KCNIP4: variants seen among roughly 807,000 people sequenced by gnomAD.
KCNIP4 encodes potassium voltage-gated channel interacting protein 4.
In KCNIP4, 12 loss-of-function variants were observed where a neutral mutation model predicts 34.0. The ratio of observed to expected loss-of-function variants is 0.35; its 90% CI spans 0.23 to 0.57. The LOEUF (loss-of-function observed/expected upper bound fraction) is 0.57. KCNIP4 is among the 20% of genes least tolerant of loss of function. The probability of loss-of-function intolerance (pLI) is 0.83; values close to 1 mark genes in which losing one functional copy is unlikely to be tolerated. For synonymous variants in KCNIP4, 124 were observed against 102.2 expected (o/e 1.21, Z -1.29); for missense variants, 238 against 311.7 (o/e 0.76, Z 1.78).
At chr4:21,728,036 C>G (rs1715321177) in intron 1 of KCNIP4, among the ~76,000 whole-genome samples, 1 of 152,102 alleles carries the variant, frequency 6.6e-6, no homozygotes, top group African/African-American at 2.4e-5. Context: ...CACTTTCTGT[C>G]TTCTGGACTC....
chr4:21,585,051 AC>A (rs1405327094), intron 1 of KCNIP4, among the ~76,000 whole-genome samples: 3 of 152,140 alleles, frequency 2.0e-5, no homozygotes, highest in African/African-American at 7.2e-5. Flanking sequence ...TACACTTAGC[AC>A]AGGATTTGCC....
chr4:21,099,593 C>T (rs774206048), intron 1 of KCNIP4, among the ~76,000 whole-genome samples: 6 of 151,902 alleles, frequency 3.9e-5, no homozygotes, highest in East Asian at 1.9e-4. Context: ...CCACATATCC[C>T]GCACATATAC....
chr4:21,379,650 A>G (rs760453510), intron 1 of KCNIP4, among the ~76,000 whole-genome samples: 2 of 152,232 alleles, frequency 1.3e-5, no homozygotes, highest in Non-Finnish European at 2.9e-5. Context: ...AAGCCTTCAT[A>G]GAACCCTAGC....
chr4:20,773,672 G>A (rs1007103403), intron 3 of KCNIP4, among the ~76,000 whole-genome samples: 6 of 152,164 alleles, frequency 3.9e-5, no homozygotes, highest in Non-Finnish European at 8.8e-5. Flanking sequence ...CTTTTCCTAA[G>A]CTTGGTGCCT....
intron 1 of KCNIP4, among the ~76,000 whole-genome samples, chr4:21,938,031 A>T (rs891273062): frequency 1.3e-5 from 2 of 152,068 alleles, no homozygotes; most frequent in African/African-American, 4.8e-5. Flanking sequence ...TTCCCCACAC[A>T]TTCCCACAAA....
chr4:21,026,408 C>T (rs187959897), intron 1 of KCNIP4, among the ~76,000 whole-genome samples: 1 of 152,282 alleles, frequency 6.6e-6, no homozygotes, highest in East Asian at 1.9e-4. Context: ...AATCCCAGCA[C>T]TTTGGGAGGC....
At chr4:20,821,282 C>T (rs1256698012) in intron 3 of KCNIP4, among the ~76,000 whole-genome samples, 2 of 152,180 alleles carry the variant, frequency 1.3e-5, no homozygotes, top group South Asian at 2.1e-4. Flanking sequence ...TGAATTATTA[C>T]CCCTTTCTTC....
chr4:21,588,628 C>T (rs890287357), intron 1 of KCNIP4, among the ~76,000 whole-genome samples: 1 of 151,738 alleles, frequency 6.6e-6, no homozygotes, highest in East Asian at 1.9e-4. Flanking sequence ...GATCCCAAAC[C>T]CTACTAAAGG....
chr4:21,679,999 A>T (rs1031259486), intron 1 of KCNIP4, among the ~76,000 whole-genome samples: 4 of 152,190 alleles, frequency 2.6e-5, no homozygotes, highest in African/African-American at 9.7e-5. Flanking sequence ...GTCTAGTGTA[A>T]TTCTTAAATA....
intron 1 of KCNIP4, among the ~76,000 whole-genome samples, chr4:21,926,730 G>C (rs1196194027): frequency 6.6e-6 from 1 of 152,048 alleles, no homozygotes; most frequent in Non-Finnish European, 1.5e-5. Context: ...CTACCTCTTA[G>C]ACTACCTCTA....
intron 1 of KCNIP4, among the ~76,000 whole-genome samples, chr4:20,985,239 C>G (rs897507006): frequency 1.1e-4 from 16 of 152,128 alleles, no homozygotes; most frequent in Admixed American, 6.5e-5. Flanking sequence ...ATAACAGGTC[C>G]TATTCTATGC....
intron 1 of KCNIP4, among the ~76,000 whole-genome samples, chr4:21,610,659 T>C (rs1284127721): frequency 6.6e-6 from 1 of 152,088 alleles, no homozygotes; most frequent in Non-Finnish European, 1.5e-5. Context: ...TACGAAGTCA[T>C]TTGTGTAAAT....
chr4:21,120,792 T>A (rs763118980), intron 1 of KCNIP4, among the ~76,000 whole-genome samples: 2 of 152,130 alleles, frequency 1.3e-5, no homozygotes, highest in Non-Finnish European at 2.9e-5. Context: ...ACCATATCAG[T>A]CCTAATCTCT....
intron 1 of KCNIP4, among the ~76,000 whole-genome samples, chr4:21,340,040 TA>T (rs1716597033): frequency 6.6e-6 from 1 of 152,158 alleles, no homozygotes; most frequent in South Asian, 2.1e-4. Context: ...CTGTACACCA[TA>T]GGCACTATTT....
intron 1 of KCNIP4, among the ~76,000 whole-genome samples, chr4:21,397,807 T>C (rs1723132749): frequency 6.6e-6 from 1 of 152,202 alleles, no homozygotes; most frequent in Non-Finnish European, 1.5e-5. Flanking sequence ...CTGTTTTCAA[T>C]AGTTCGCTGC....
chr4:21,148,366 T>C (rs1752534052), intron 1 of KCNIP4, among the ~76,000 whole-genome samples: 1 of 152,150 alleles, frequency 6.6e-6, no homozygotes, highest in Admixed American at 6.5e-5. Context: ...ATGGAGTTAA[T>C]AATCTGGAAT....
intron 1 of KCNIP4, among the ~76,000 whole-genome samples, chr4:21,536,780 CAA>C (rs1219647701): frequency 1.6e-5 from 2 of 127,886 alleles, no homozygotes; most frequent in Admixed American, 7.7e-5. Context: ...GACTCTGTTT[CAA>C]AAAAAAAAAA....
chr4:21,645,863 G>T (rs1746974621), intron 1 of KCNIP4, among the ~76,000 whole-genome samples: 1 of 152,098 alleles, frequency 6.6e-6, no homozygotes, highest in South Asian at 2.1e-4. Flanking sequence ...AAGAGCAAAA[G>T]ACTCTATAAT....
intron 1 of KCNIP4, among the ~76,000 whole-genome samples, chr4:21,473,491 T>A (rs1730638614): frequency 6.6e-6 from 1 of 152,202 alleles, no homozygotes. Flanking sequence ...AAGAGTTTTT[T>A]TAAAAAATCT....
Sources: gnomAD v4.1 joint callset for allele counts (sites outside exome capture counted in the v4.1 genomes callset) on GRCh38, gnomAD v4.1.1 for gene constraint, MANE v1.5 for transcripts, NCBI Gene and HGNC (gene_info 2026-07-23, HGNC 2026-07-21) for gene names.